IRAG2: variants seen among roughly 807,000 people sequenced by gnomAD.
IRAG2 encodes the protein lymphoid restricted membrane protein.
Under a neutral mutation model 69.9 loss-of-function variants are expected in IRAG2, and 45 were observed. The ratio of observed to expected loss-of-function variants is 0.64; its 90% CI spans 0.51 to 0.83. The LOEUF (loss-of-function observed/expected upper bound fraction) is 0.83. Among genes scored for constraint, IRAG2 ranks in the 40% least tolerant of loss-of-function variants. The pLI, the probability that IRAG2 is intolerant of heterozygous loss-of-function variation, is 0.00. For missense variants in IRAG2, 520 were observed against 587.0 expected, an observed-to-expected ratio of 0.89 and a Z score of 1.18; for synonymous variants, 193 against 202.4, an observed-to-expected ratio of 0.95 and a Z score of 0.40.
At chr12:25,060,679 T>G (rs558414248) in intron 1 of IRAG2, among the ~76,000 whole-genome samples, 1 of 149,168 alleles carries the variant, frequency 6.7e-6, no homozygotes, top group South Asian at 2.1e-4. Context: ...TTTTTTTTTT[T>G]TTTTTTTTTT....
At chr12:25,023,904 C>T (rs569277513) in exon 8 of IRAG2, 16 of 1,227,878 alleles carry the variant, frequency 1.3e-5, no homozygotes, top group African/African-American at 6.2e-5. Context: ...TCTTAAGATT[C>T]GGATTCTACA....
In IRAG2 at chr12:25,079,251, G is replaced by C. The variant is rs1483143099; in HGVS notation, c.32G>C (p.Gly11Ala). 3.1e-6 allele frequency: 5 copies of C among 1,614,118 alleles called. No homozygotes were observed. Among genetic ancestry groups the C allele is most frequent in the Middle Eastern group, 1.6e-4 (1 of 6,062 alleles). ...CCTTTCTTTTTCCTTAAGGAGAATG[G>C]TGTTGAACGCGTGTGTCCTGAGAGC... is the stretch of plus-strand genomic sequence containing the variant. MNDDPSMEEN[G>A]VERVCPESLL... Residue 11 changes from glycine to alanine, a missense_variant, in exon 7 of 22, where the codon GGT becomes GCT. Gly to Ala is a moderately conservative substitution (Grantham distance 60). Coordinates refer to ENST00000556887, the MANE Select transcript of IRAG2 (RefSeq NM_001366544.2).
upstream of IRAG2, among the ~76,000 whole-genome samples, chr12:25,002,088 G>T (rs1944395999): frequency 6.6e-6 from 1 of 152,104 alleles, no homozygotes; most frequent in Non-Finnish European, 1.5e-5. Context: ...AAGGCTCTTT[G>T]CTCGACATAG....
At chr12:25,013,855 G>GTTTCAT (rs1209122788) in intron 3 of IRAG2, among the ~76,000 whole-genome samples, 1 of 90,566 alleles carries the variant, frequency 1.1e-5, no homozygotes, top group Non-Finnish European at 2.5e-5. Context: ...TTAATTTTTT[G>GTTTCAT]TTTTCTTTTT....
At chr12:25,069,822 G>C (rs1946215785) in intron 6 of IRAG2, among the ~76,000 whole-genome samples, 1 of 152,170 alleles carries the variant, frequency 6.6e-6, no homozygotes, top group Admixed American at 6.5e-5. Context: ...ATCTTTGAGG[G>C]GCTGGTACCC....
chr12:25,015,150 G>GTTTTTTTTTTTTT (rs1436751678), intron 3 of IRAG2: 1 of 925,694 alleles, frequency 1.1e-6, no homozygotes. Context: ...TAGCTCACTG[G>GTTTTTTTTTTTTT]TTTTGTTTTT....
chr12:25,017,825 A>G (rs2139830588), intron 6 of IRAG2, among the ~76,000 whole-genome samples: 2 of 152,120 alleles, frequency 1.3e-5, no homozygotes, highest in Middle Eastern at 6.9e-3. Context: ...GAAACTCCAT[A>G]CTTACCAGCA....
intron 9 of IRAG2, among the ~76,000 whole-genome samples, chr12:25,080,028 A>G (rs1947089683): frequency 6.6e-6 from 1 of 152,028 alleles, no homozygotes; most frequent in South Asian, 2.1e-4. Flanking sequence ...TAATGGGACA[A>G]ATATTTCCTA....
chr12:25,036,624 T>C, exon 15 of IRAG2: 1 of 398,916 alleles, frequency 2.5e-6, no homozygotes, highest in South Asian at 1.3e-4. Flanking sequence ...CATTGAAAAC[T>C]CTCGACGGTG....
intron 16 of IRAG2, among the ~76,000 whole-genome samples, chr12:25,046,580 C>T (rs999195132): frequency 4.6e-5 from 7 of 151,980 alleles, no homozygotes; most frequent in Non-Finnish European, 8.8e-5. Flanking sequence ...TTAACAATCT[C>T]ATTTACAATA....
At chr12:25,028,929 ACT>A (rs1302302321) in intron 9 of IRAG2, among the ~76,000 whole-genome samples, 6 of 152,148 alleles carry the variant, frequency 3.9e-5, no homozygotes, top group Admixed American at 2.6e-4. Flanking sequence ...ATGGGATCTC[ACT>A]CTGTTACCTG....
chr12:25,074,326 G>C (rs1369954539), intron 6 of IRAG2, among the ~76,000 whole-genome samples: 1 of 152,134 alleles, frequency 6.6e-6, no homozygotes, highest in Non-Finnish European at 1.5e-5. Flanking sequence ...GACTAAGAAG[G>C]CCTTTCCTTT....
intron 2 of IRAG2, chr12:25,006,182 A>G (rs1415602285): frequency 2.0e-5 from 3 of 152,232 alleles, no homozygotes; most frequent in Admixed American, 1.3e-4. Flanking sequence ...ATGAGATACC[A>G]TCTCACACCA....
intron 5 of IRAG2, among the ~76,000 whole-genome samples, chr12:25,067,321 T>C (rs534927114): frequency 6.6e-6 from 1 of 152,096 alleles, no homozygotes; most frequent in East Asian, 1.9e-4. Context: ...TGTGTGGGGG[T>C]TTTTTTCCCC....
rs551184795 is a variant in IRAG2 at position 25,076,392 on chromosome 12, AG to A, written c.25-2849del. The stretch of plus-strand genomic sequence containing the variant: ...CTACAATGTTTCATATCTAACGTAT[AG>A]GGCAAAAGAAGGCCTTACACAGAGC... On this transcript the variant is annotated intron_variant, in intron 6 of 21. Coordinates refer to ENST00000556887, the MANE Select transcript of IRAG2 (RefSeq NM_001366544.2). 1.1e-4 allele frequency: 111 copies of A among 973,118 alleles called. No individual in the cohort carries two copies. The Admixed American group carries it at 2.1e-3, about 18-fold the overall frequency. The allele number at this position is 973,118 out of a possible 1,614,324, so 60.3% of individuals were successfully genotyped here.
chr12:25,075,218 G>T (rs10743536), intron 6 of IRAG2, among the ~76,000 whole-genome samples: 1 of 151,912 alleles, frequency 6.6e-6, no homozygotes, highest in Non-Finnish European at 1.5e-5. Flanking sequence ...TTAAACAGAC[G>T]CTGAGTCAAG....
At chr12:25,024,603 CT>C (rs1320496912) in intron 8 of IRAG2, among the ~76,000 whole-genome samples, 6 of 152,138 alleles carry the variant, frequency 3.9e-5, no homozygotes, top group African/African-American at 1.4e-4. Flanking sequence ...TTAAATTTTG[CT>C]TTTATGTGAG....
chr12:25,023,067 A>G (rs1406930542), intron 7 of IRAG2, among the ~76,000 whole-genome samples: 3 of 151,174 alleles, frequency 2.0e-5, no homozygotes, highest in Non-Finnish European at 4.4e-5. Flanking sequence ...TGGAGGTTGC[A>G]GTGAACCGAG....
At chr12:25,038,150 T>C (rs993344403) in intron 16 of IRAG2, 2 of 398,632 alleles carry the variant, frequency 5.0e-6, no homozygotes, top group Admixed American at 4.4e-5. Flanking sequence ...GATGATCATT[T>C]ATATATAAGA....
Sources: gnomAD v4.1 joint callset for allele counts (sites outside exome capture counted in the v4.1 genomes callset) on GRCh38, gnomAD v4.1.1 for gene constraint, MANE v1.5 for transcripts, NCBI Gene and HGNC (gene_info 2026-07-23, HGNC 2026-07-21) for gene names.